The following KHDRBS2 variants were observed in gnomAD, a reference collection of about 807,000 sequenced individuals.
KHDRBS2 encodes the protein KH RNA binding domain containing, signal transduction associated 2.
In KHDRBS2, 26 loss-of-function variants were observed where a neutral mutation model predicts 44.3. The ratio of observed to expected loss-of-function variants is 0.59; its 90% CI spans 0.43 to 0.81. The LOEUF (loss-of-function observed/expected upper bound fraction) is 0.81. Among genes scored for constraint, KHDRBS2 ranks in the 40% least tolerant of loss-of-function variants. The pLI, the probability that KHDRBS2 is intolerant of heterozygous loss-of-function variation, is 0.00. For synonymous variants in KHDRBS2, 194 were observed against 151.1 expected, an observed-to-expected ratio of 1.28 and a Z score of -2.08; for missense variants, 476 against 433.1, an observed-to-expected ratio of 1.10 and a Z score of -0.88.
Position 62,285,842 on chromosome 6 carries a change from T to G in KHDRBS2, c.91+16A>C. The G allele has an allele frequency of 1.3e-6, 2 of 1,598,924 alleles. No homozygotes were observed. The highest frequency in any genetic ancestry group is 1.7e-6 in the Non-Finnish European group (2 of 1,168,520). On this transcript the variant is annotated intron_variant, in intron 1 of 8. Coordinates refer to ENST00000281156, the MANE Select transcript of KHDRBS2 (RefSeq NM_152688.4). ...GCAGCCGGCGGTTTGTGCCCATCTG[T>G]GGGGGCAAGTCCTACCTTCTGCCAA...
At chr6:62,010,088 G>A (rs1469691130) in intron 3 of KHDRBS2, among the ~76,000 whole-genome samples, 3 of 152,158 alleles carry the variant, frequency 2.0e-5, no homozygotes, top group Non-Finnish European at 2.9e-5. Flanking sequence ...AGCCCATGAA[G>A]GCAGCCTGGA....
chr6:62,159,553 AC>A (rs1817181079), intron 2 of KHDRBS2, among the ~76,000 whole-genome samples: 4 of 152,120 alleles, frequency 2.6e-5, no homozygotes, highest in Admixed American at 2.6e-4. Flanking sequence ...AGAAGAGACT[AC>A]ATAATTAAAG....
At chr6:61,931,262 T>A (rs780522582) in intron 4 of KHDRBS2, among the ~76,000 whole-genome samples, 15 of 152,070 alleles carry the variant, frequency 9.9e-5, no homozygotes, top group Non-Finnish European at 1.9e-4. Context: ...TTAGAGTATA[T>A]GTTCATAAAT....
chr6:62,262,843 A>C (rs1838590292), intron 1 of KHDRBS2, among the ~76,000 whole-genome samples: 1 of 151,828 alleles, frequency 6.6e-6, no homozygotes, highest in Non-Finnish European at 1.5e-5. Context: ...AATTTCATAG[A>C]AAAATAAATG....
At chr6:61,814,394 G>A (rs550049460) in intron 6 of KHDRBS2, among the ~76,000 whole-genome samples, 1 of 152,248 alleles carries the variant, frequency 6.6e-6, no homozygotes, top group South Asian at 2.1e-4. Context: ...GGATCATGAG[G>A]TCAGGAGATC....
rs748541382 is a variant in KHDRBS2, at chr6:61,894,760, T to G, written c.685A>C (p.Thr229Pro). The G allele has an allele frequency of 6.2e-7, 1 of 1,613,234 alleles. No individual in the cohort carries two copies. The highest frequency in any genetic ancestry group is 8.5e-7 in the Non-Finnish European group (1 of 1,179,742). ...GGTGGCACTGGAAGCGCTCCACGGGTTACAGTGCTTCCCCGAGGGGTGAGA... is the reference window on the plus strand; with the variant it reads ...GGTGGCACTGGAAGCGCTCCACGGGGTACAGTGCTTCCCCGAGGGGTGAGA... ...GVLTPRGSTV[T>P]RGALPVPPVA... The change falls in exon 6 of 9, where the codon ACC (threonine) becomes CCC (proline). Residue 229 changes from threonine to proline, a missense_variant. Physicochemically the swap from Thr to Pro is conservative, Grantham distance 38. Coordinates refer to ENST00000281156, the MANE Select transcript of KHDRBS2 (RefSeq NM_152688.4).
At chr6:61,581,463 C>T in the KHDRBS2 span, among the ~76,000 whole-genome samples, 4 of 150,296 alleles carry the variant, frequency 2.7e-5, no homozygotes, top group African/African-American at 9.7e-5. Flanking sequence ...GAATTAAAAG[C>T]ATAAAGCATC....
chr6:62,279,042 T>C (rs1841418768), intron 1 of KHDRBS2, among the ~76,000 whole-genome samples: 1 of 151,986 alleles, frequency 6.6e-6, no homozygotes, highest in South Asian at 2.1e-4. Context: ...TGCAGTGAGC[T>C]GAGATTGTGC....
In KHDRBS2 at chr6:61,979,779, A is replaced by T. The variant is rs113405201; in HGVS notation, c.337-1567T>A. On this transcript the variant is annotated intron_variant, in intron 3 of 8. Transcript: ENST00000281156. ...AATACTCTCATGAGGTGTAGTAAAG[A>T]TTTCTTTTCTCTTTGGGTCCTGCTA... Among the ~76,000 whole-genome samples, 10 of 152,024 alleles carry T rather than the reference A, an allele frequency of 6.6e-5. 1 individual carries two copies. The highest frequency in any genetic ancestry group is 3.3e-4 in the Admixed American group (5 of 15,246).
At chr6:61,555,644 C>T in the KHDRBS2 span, among the ~76,000 whole-genome samples, 1 of 152,312 alleles carries the variant, frequency 6.6e-6, no homozygotes, top group East Asian at 1.9e-4. Flanking sequence ...GGCTGATGCT[C>T]CTTCAACTCT....
chr6:61,566,699 A>G, the KHDRBS2 span, among the ~76,000 whole-genome samples: 3 of 96,616 alleles, frequency 3.1e-5, no homozygotes, highest in East Asian at 5.6e-4. Context: ...GGTGGTTTCC[A>G]TAACTTTAAA....
chr6:61,881,581 T>A (rs1800217290), intron 6 of KHDRBS2, among the ~76,000 whole-genome samples: 1 of 151,910 alleles, frequency 6.6e-6, no homozygotes, highest in South Asian at 2.1e-4. Flanking sequence ...ACAAATGGCA[T>A]CAGCACTAAC....
intron 4 of KHDRBS2, among the ~76,000 whole-genome samples, chr6:61,959,170 T>A (rs1370928738): frequency 6.6e-6 from 1 of 152,200 alleles, no homozygotes; most frequent in Non-Finnish European, 1.5e-5. Flanking sequence ...TGCCTTCTAC[T>A]TCACAGGGAG....
At chr6:62,282,733 A>C (rs1314007118) in intron 1 of KHDRBS2, among the ~76,000 whole-genome samples, 3 of 152,208 alleles carry the variant, frequency 2.0e-5, no homozygotes, top group Non-Finnish European at 4.4e-5. Flanking sequence ...CTAGGAAAGA[A>C]TGAAAAAAGT....
chr6:62,247,475 G>A (rs1194662511), intron 1 of KHDRBS2, among the ~76,000 whole-genome samples: 1 of 151,890 alleles, frequency 6.6e-6, no homozygotes, highest in African/African-American at 2.4e-5. Context: ...TTTCAGAATT[G>A]TACTAAAGTA....
the KHDRBS2 span, among the ~76,000 whole-genome samples, chr6:61,640,157 T>C: frequency 6.6e-6 from 1 of 152,202 alleles, no homozygotes; most frequent in East Asian, 1.9e-4. Context: ...TGATATTTGC[T>C]TTAAAATATT....
the KHDRBS2 span, among the ~76,000 whole-genome samples, chr6:61,554,179 C>G: frequency 1.3e-5 from 2 of 152,100 alleles, no homozygotes; most frequent in East Asian, 3.9e-4. Flanking sequence ...AATCTGGGTG[C>G]TCCTGTGTTC....
Position 62,183,306 on chromosome 6 carries a change from T to G in KHDRBS2, c.92-5994A>C, listed in dbSNP as rs185950357. Among the ~76,000 whole-genome samples the G allele has an allele frequency of 3.0e-3, 459 of 151,848 alleles. 2 individuals carry two copies. Among genetic ancestry groups the G allele is most frequent in the Non-Finnish European group, 5.4e-3 (368 of 67,750 alleles). On this transcript the variant is annotated intron_variant, in intron 1 of 8. Transcript: ENST00000281156. ...TAAGTTGGTTATTTAAGATGGATTT[T>G]AAAATTATATATTTTCCTCTAAAGT...
chr6:61,691,222 G>T (rs1404882852), intron 8 of KHDRBS2, among the ~76,000 whole-genome samples: 1 of 152,084 alleles, frequency 6.6e-6, no homozygotes, highest in Admixed American at 6.6e-5. Flanking sequence ...AATTGAAACT[G>T]TAAATACTTT....
Sources: gnomAD v4.1 joint callset for allele counts (sites outside exome capture counted in the v4.1 genomes callset) on GRCh38, gnomAD v4.1.1 for gene constraint, MANE v1.5 for transcripts, NCBI Gene and HGNC (gene_info 2026-07-23, HGNC 2026-07-21) for gene names.